CALN1: variants seen among roughly 807,000 people sequenced by gnomAD.
CALN1 encodes calneuron 1, also known as calcium-binding protein 8.
Under a neutral mutation model 30.6 loss-of-function variants are expected in CALN1, and 17 were observed. The ratio of observed to expected loss-of-function variants is 0.56; its 90% CI spans 0.38 to 0.83. CALN1 has a LOEUF of 0.83. Among genes scored for constraint, CALN1 ranks in the 40% least tolerant of loss-of-function variants. The pLI is 0.00. For missense variants in CALN1, 291 were observed against 354.9 expected, an observed-to-expected ratio of 0.82 and a Z score of 1.45; for synonymous variants, 156 against 131.4, an observed-to-expected ratio of 1.19 and a Z score of -1.28.
chr7:72,405,975 A>T (rs1806668398), intron 1 of CALN1, among the ~76,000 whole-genome samples: 1 of 152,144 alleles, frequency 6.6e-6, no homozygotes, highest in Non-Finnish European at 1.5e-5. Context: ...AATACACTTA[A>T]TGACCTGGAA....
chr7:71,942,282 T>C, intron 5 of CALN1: 1 of 206,918 alleles, frequency 4.8e-6, no homozygotes, highest in African/African-American at 2.4e-5. Context: ...ACGTGCAGCC[T>C]ATCAAGCTGG....
chr7:72,488,074 A>G, the CALN1 span, among the ~76,000 whole-genome samples: 1 of 151,832 alleles, frequency 6.6e-6, no homozygotes, highest in Admixed American at 6.6e-5. Context: ...GCTCACACCT[A>G]TGATCCCAAC....
intron 5 of CALN1, among the ~76,000 whole-genome samples, chr7:71,844,499 A>C (rs1790119172): frequency 6.6e-6 from 1 of 152,270 alleles, no homozygotes. Context: ...GAAATAATTT[A>C]GTCATTTCAA....
At chr7:72,277,446 C>G (rs1194767882) in intron 3 of CALN1, among the ~76,000 whole-genome samples, 1 of 152,200 alleles carries the variant, frequency 6.6e-6, no homozygotes, top group African/African-American at 2.4e-5. Flanking sequence ...GGCCACCAGT[C>G]TTTGTCCAGA....
At chr7:72,348,798 G>A (rs997581015) in intron 2 of CALN1, among the ~76,000 whole-genome samples, 1 of 152,208 alleles carries the variant, frequency 6.6e-6, no homozygotes, top group African/African-American at 2.4e-5. Context: ...GGATCAAGGT[G>A]ATTCCCAAGT....
chr7:72,329,094 G>A (rs1046669589), intron 2 of CALN1, among the ~76,000 whole-genome samples: 14 of 152,216 alleles, frequency 9.2e-5, no homozygotes, highest in African/African-American at 3.4e-4. Context: ...CTTTGGACAA[G>A]CATTGTTAAC....
intron 3 of CALN1, among the ~76,000 whole-genome samples, chr7:72,136,040 G>A (rs1344230362): frequency 1.3e-5 from 2 of 151,892 alleles, no homozygotes; most frequent in Non-Finnish European, 2.9e-5. Context: ...GGCTGAGGCA[G>A]GGAGAATTGC....
intron 4 of CALN1, among the ~76,000 whole-genome samples, chr7:72,046,330 T>C (rs1441799396): frequency 6.6e-6 from 1 of 151,880 alleles, no homozygotes; most frequent in African/African-American, 2.4e-5. Context: ...AGCTTCCAAT[T>C]CCGAGGCTAA....
At chr7:72,271,315 CAA>C (rs1796955999) in intron 3 of CALN1, among the ~76,000 whole-genome samples, 2 of 151,980 alleles carry the variant, frequency 1.3e-5, no homozygotes, top group South Asian at 4.2e-4. Context: ...CCCCAGGAGA[CAA>C]AGAGTGTGCC....
intron 5 of CALN1, among the ~76,000 whole-genome samples, chr7:72,014,701 G>T (rs1260053594): frequency 1.3e-5 from 2 of 152,176 alleles, no homozygotes; most frequent in South Asian, 4.2e-4. Context: ...TCGCTCTGTT[G>T]TCTAGGCTGG....
intron 5 of CALN1, among the ~76,000 whole-genome samples, chr7:71,895,621 A>G (rs1419991707): frequency 6.6e-6 from 1 of 152,194 alleles, no homozygotes; most frequent in Non-Finnish European, 1.5e-5. Context: ...TAAATATTAC[A>G]TTCATGCCAG....
intron 3 of CALN1, among the ~76,000 whole-genome samples, chr7:72,126,287 C>T (rs1415516731): frequency 6.6e-6 from 1 of 152,076 alleles, no homozygotes; most frequent in Non-Finnish European, 1.5e-5. Context: ...TGTATACATA[C>T]CACATTTTCT....
chr7:72,445,871 G>A (rs980237279), intron 1 of CALN1, among the ~76,000 whole-genome samples: 2 of 152,136 alleles, frequency 1.3e-5, no homozygotes, highest in African/African-American at 4.8e-5. Context: ...AATCACTTTG[G>A]GGGAAAATCT....
intron 3 of CALN1, among the ~76,000 whole-genome samples, chr7:72,218,870 C>CT (rs1793049390): frequency 6.6e-6 from 1 of 152,098 alleles, no homozygotes; most frequent in Admixed American, 6.6e-5. Context: ...AGCACCTAGG[C>CT]TATCTTCATC....
chr7:71,953,147 G>A (rs896885746), intron 5 of CALN1, among the ~76,000 whole-genome samples: 3 of 151,900 alleles, frequency 2.0e-5, no homozygotes, highest in African/African-American at 7.3e-5. Context: ...TTGCAGGAAC[G>A]GGATCTCGTT....
chr7:71,860,756 T>C (rs1470861192), intron 5 of CALN1, among the ~76,000 whole-genome samples: 1 of 152,092 alleles, frequency 6.6e-6, no homozygotes, highest in Non-Finnish European at 1.5e-5. Flanking sequence ...AGGTTGAAAG[T>C]GAAAGACAGA....
In CALN1 at chr7:71,837,286, G is replaced by C. The variant is rs12530945; in HGVS notation, c.502-26794C>G. On this transcript the variant is annotated intron_variant, in intron 5 of 6. Coordinates refer to ENST00000395275, the MANE Select transcript of CALN1 (RefSeq NM_031468.4). The stretch of plus-strand genomic sequence containing the variant: ...AAAAAGCCACAAAGTTAGCTCTCCA[G>C]ATCTGTTGGGCTTATTGTTAACCAG... Among the ~76,000 whole-genome samples the C allele has an allele frequency of 2.4e-3, 315 of 133,844 alleles. 5 individuals carry two copies. Among genetic ancestry groups the C allele is most frequent in the Admixed American group, 0.021 (283 of 13,214 alleles). 87.8% of individuals were successfully genotyped at this position (133,844 alleles called of 152,430 possible). A position where few individuals can be genotyped will look rare whatever the true frequency, so the allele number is the denominator to read the frequency against.
intron 3 of CALN1, among the ~76,000 whole-genome samples, chr7:72,148,931 A>T (rs1786993178): frequency 6.6e-6 from 1 of 150,610 alleles, no homozygotes. Context: ...AAAGAAAGAA[A>T]AAAAAGAAGG....
chr7:71,922,744 TATAA>T (rs1253189814), intron 5 of CALN1, among the ~76,000 whole-genome samples: 16 of 123,716 alleles, frequency 1.3e-4, no homozygotes, highest in Middle Eastern at 4.2e-3. Context: ...ATATATTATA[TATAA>T]ATATATAACA....
Sources: allele counts gnomAD v4.1 joint callset (sites outside exome capture counted in the v4.1 genomes callset), GRCh38; gene constraint gnomAD v4.1.1; transcripts MANE v1.5; gene names NCBI Gene and HGNC (gene_info 2026-07-23, HGNC 2026-07-21).